The following CYP39A1 variants were observed in gnomAD, a reference collection of about 807,000 sequenced individuals.
The protein encoded by CYP39A1 is 24-hydroxycholesterol 7-alpha-hydroxylase.
A neutral mutation model predicts 58.1 loss-of-function variants in CYP39A1; 49 were observed. That is an observed-to-expected ratio of 0.84 (90% CI 0.67 to 1.07). CYP39A1 has a LOEUF of 1.07. Among genes scored for constraint, CYP39A1 ranks in the 50% least tolerant of loss-of-function variants. CYP39A1 has a pLI of 0.00. For missense variants in CYP39A1, 531 were observed against 539.4 expected (o/e 0.98, Z 0.16); for synonymous variants, 209 against 187.6 (o/e 1.11, Z -0.93).
intron 11 of CYP39A1, 62 bp downstream of exon 11, chr6:46,553,705 G>T: frequency 9.1e-7 from 1 of 1,098,762 alleles, no homozygotes; most frequent in Non-Finnish European, 1.4e-6. Context: ...ATTGGGGGAA[G>T]TGGGGGTGGT....
At chr6:46,573,846 A>G (rs1158820362) in intron 10 of CYP39A1, among the ~76,000 whole-genome samples, 1 of 152,220 alleles carries the variant, frequency 6.6e-6, no homozygotes, top group African/African-American at 2.4e-5. Context: ...TTAAAAAAGC[A>G]CAGGTTATTT....
Position 46,642,290 on chromosome 6 carries a change from T to C in CYP39A1, c.186A>G (p.Pro62=). ...FIEKARIKYG[P]IFTVFAMGNR... ...TTCCCATAGCAAAGACTGTAAATAT[T>C]GGTCCATACTGAAATAAAACAAACA... Residue 62 remains proline, a synonymous_variant, in exon 2 of 12, where the codon CCA becomes CCG. Transcript: ENST00000275016. The C allele has an allele frequency of 6.2e-7, 1 of 1,611,324 alleles. No individual in the cohort carries two copies. The highest frequency in any genetic ancestry group is 8.5e-7 in the Non-Finnish European group (1 of 1,178,792).
At chr6:46,563,926 A>AG (rs1771113687) in intron 10 of CYP39A1, among the ~76,000 whole-genome samples, 2 of 152,046 alleles carry the variant, frequency 1.3e-5, no homozygotes, top group African/African-American at 4.8e-5. Flanking sequence ...AGGTAGTGGC[A>AG]CCAGAATCTC....
intron 5 of CYP39A1, among the ~76,000 whole-genome samples, chr6:46,635,818 C>T (rs184200477): frequency 1.2e-3 from 178 of 152,250 alleles, no homozygotes; most frequent in Admixed American, 1.8e-3. Flanking sequence ...CTGCGTCGGC[C>T]CCCCAAAGTG....
intron 10 of CYP39A1, among the ~76,000 whole-genome samples, chr6:46,585,300 T>C (rs1772402240): frequency 6.6e-6 from 1 of 151,632 alleles, no homozygotes; most frequent in Non-Finnish European, 1.5e-5. Flanking sequence ...ATGATTACAA[T>C]AAATTATTTA....
chr6:46,612,754 C>G (rs1774290613), intron 7 of CYP39A1, among the ~76,000 whole-genome samples: 1 of 152,220 alleles, frequency 6.6e-6, no homozygotes, highest in African/African-American at 2.4e-5. Context: ...GTCCTTGGCT[C>G]TGCTCCTTGA....
chr6:46,556,533 G>A (rs1770673142), intron 10 of CYP39A1, among the ~76,000 whole-genome samples: 1 of 152,120 alleles, frequency 6.6e-6, no homozygotes, highest in South Asian at 2.1e-4. Flanking sequence ...CAAAGCACAA[G>A]AAGCTGAATA....
At chr6:46,621,750 T>C (rs1252354679) in intron 7 of CYP39A1, among the ~76,000 whole-genome samples, 2 of 152,092 alleles carry the variant, frequency 1.3e-5, no homozygotes, top group Non-Finnish European at 2.9e-5. Context: ...AGAAATAATA[T>C]CAATCTTTCA....
In CYP39A1 at chr6:46,585,360, T is replaced by C. The variant is rs201460881; in HGVS notation, c.1250+1717A>G. Among the ~76,000 whole-genome samples the C allele has an allele frequency of 8.4e-4, 122 of 145,336 alleles. No individual in the cohort carries two copies. In the East Asian group the frequency reaches 9.9e-3, roughly 12 times the overall value. On this transcript the variant is annotated intron_variant, in intron 10 of 11. Transcript: ENST00000275016. ...ATAGATAGATAGATAGATAGATAGA[T>C]AGACAGACAGATAGCTAGATATAGT...
intron 10 of CYP39A1, among the ~76,000 whole-genome samples, chr6:46,554,118 C>T (rs919484301): frequency 3.9e-5 from 6 of 152,196 alleles, no homozygotes; most frequent in Non-Finnish European, 8.8e-5. Context: ...AGTCCCAAGT[C>T]TCTCTCTTTA....
At chr6:46,600,172 A>C (rs757379517) in intron 7 of CYP39A1, among the ~76,000 whole-genome samples, 1 of 151,438 alleles carries the variant, frequency 6.6e-6, no homozygotes, top group Non-Finnish European at 1.5e-5. Flanking sequence ...TCTGTTACCC[A>C]AGTTGGAGTG....
At chr6:46,648,532 G>A (rs1490105569) in intron 1 of CYP39A1, among the ~76,000 whole-genome samples, 7 of 100,026 alleles carry the variant, frequency 7.0e-5, no homozygotes, top group Non-Finnish European at 1.2e-4. Flanking sequence ...GGAGGGGGGA[G>A]GGGGGAGGGA....
intron 2 of CYP39A1, among the ~76,000 whole-genome samples, chr6:46,641,323 C>T (rs1776323449): frequency 6.6e-6 from 1 of 152,074 alleles, no homozygotes; most frequent in Admixed American, 6.5e-5. Context: ...ATTTCACCAA[C>T]AGGTTGTGAT....
rs759543618 is a variant in CYP39A1 at position 46,587,165 on chromosome 6, C to T, written c.1162G>A (p.Glu388Lys). 18 of 1,601,502 alleles carry T rather than the reference C, an allele frequency of 1.1e-5. No homozygotes were observed. The Admixed American group carries it at 3.0e-4, about 27-fold the overall frequency. Residue 388 changes from glutamate (E) to lysine (K), a missense_variant and splice_region_variant, in exon 10 of 12, where the codon GAA becomes AAA. Glu to Lys is a moderately conservative substitution (Grantham distance 56). Transcript: ENST00000275016. ...TCTAAATTTGCCTTTTTCCAACGTT[C>T]CTGTGGGAAGAAAACATTTTTTTTT... ...YFPEPELFKP[E>K]RWKKANLEKH... is the part of the protein sequence containing the mutation.
chr6:46,577,675 G>C (rs1246371681), intron 10 of CYP39A1, among the ~76,000 whole-genome samples: 2 of 152,028 alleles, frequency 1.3e-5, no homozygotes, highest in Non-Finnish European at 2.9e-5. Context: ...GCTCAAAAAG[G>C]ACAAAGAAGG....
At chr6:46,565,439 G>A (rs911485814) in intron 10 of CYP39A1, among the ~76,000 whole-genome samples, 10 of 151,354 alleles carry the variant, frequency 6.6e-5, no homozygotes, top group Non-Finnish European at 1.2e-4. Flanking sequence ...AATGGGAAGA[G>A]AAGAAAGGGA....
intron 10 of CYP39A1, among the ~76,000 whole-genome samples, chr6:46,571,770 T>A (rs1428155513): frequency 2.0e-5 from 3 of 152,178 alleles, no homozygotes; most frequent in African/African-American, 7.2e-5. Flanking sequence ...TGCCATTTTG[T>A]AAAAATTTTC....
Position 46,645,915 on chromosome 6 carries a change from T to C in CYP39A1, c.178-3617A>G, listed in dbSNP as rs185975000. On this transcript the variant is annotated intron_variant, in intron 1 of 11. Transcript: ENST00000275016. ...TAAATATTTCTTGAGTTATTTTAAA[T>C]GGTAATGTATTTTTAATTATGGTTT... Among the ~76,000 whole-genome samples, 7 of 152,260 alleles carry C rather than the reference T, an allele frequency of 4.6e-5. No individual in the cohort carries two copies. In the East Asian group the frequency reaches 1.3e-3, roughly 29 times the overall value.
chr6:46,652,443 T>C lies in CYP39A1; in HGVS notation c.140A>G (p.Lys47Arg). ...PWIGVGFEFG[K>R]APLEFIEKAR... ...TTTCTCTATAAATTCTAGAGGGGCT[T>C]TCCCAAACTCAAATCCAACTCCAAT... Residue 47 changes from lysine to arginine, a missense_variant, in exon 1 of 12, where the codon AAA becomes AGA. Lys to Arg is a conservative substitution (Grantham distance 26). Coordinates refer to ENST00000275016, the MANE Select transcript of CYP39A1 (RefSeq NM_016593.5). 1 of 1,613,706 alleles carries C rather than the reference T, an allele frequency of 6.2e-7. No homozygotes were observed.
Sources: allele counts gnomAD v4.1 joint callset (sites outside exome capture counted in the v4.1 genomes callset), GRCh38; gene constraint gnomAD v4.1.1; transcripts MANE v1.5; gene names NCBI Gene and HGNC (gene_info 2026-07-23, HGNC 2026-07-21).